AKAP9: variants seen among roughly 807,000 people sequenced by gnomAD.
AKAP9 encodes A-kinase anchor protein 9.
In AKAP9, 311 loss-of-function variants were observed where a neutral mutation model predicts 488.5. The ratio of observed to expected loss-of-function variants is 0.64; its 90% CI spans 0.58 to 0.70. AKAP9 has a LOEUF of 0.70. AKAP9 is among the 30% of genes least tolerant of loss of function. The pLI, the probability that AKAP9 is intolerant of heterozygous loss-of-function variation, is 0.00. For synonymous variants in AKAP9, 1,462 were observed against 1,483.5 expected (o/e 0.99, Z 0.33); for missense variants, 4,215 against 4,374.5 (o/e 0.96, Z 1.03).
At chr7:92,025,462 T>G (rs1331353983) in intron 14 of AKAP9, among the ~76,000 whole-genome samples, 1 of 152,244 alleles carries the variant, frequency 6.6e-6, no homozygotes, top group Non-Finnish European at 1.5e-5. Context: ...GTCAAAATTA[T>G]TTTGTGTAAA....
intron 1 of AKAP9, among the ~76,000 whole-genome samples, chr7:91,971,917 C>G (rs1795126701): frequency 6.8e-6 from 1 of 148,018 alleles, no homozygotes; most frequent in Admixed American, 6.7e-5. Context: ...CTAGTCTTCT[C>G]TGTCTGGCTT....
chr7:92,001,446 A>G lies in AKAP9; in HGVS notation c.1529A>G (p.Glu510Gly), dbSNP rs1285507384. The G allele has an allele frequency of 5.6e-6, 9 of 1,613,774 alleles. No individual in the cohort carries two copies. The highest frequency in any genetic ancestry group is 7.6e-6 in the Non-Finnish European group (9 of 1,179,860). ...IKLQDTNSQK[E>G]KLKEELGLIL... Reference sequence around the variant, plus strand: ...TTGCAAGATACTAACTCTCAAAAGGAAAAACTCAAGGAAGAACTAGGACTA... The same window carrying G: ...TTGCAAGATACTAACTCTCAAAAGGGAAAACTCAAGGAAGAACTAGGACTA... Residue 510 changes from glutamate to glycine, a missense_variant, in exon 8 of 50, where the codon GAA (glutamate) becomes GGA (glycine). Glu to Gly is a moderately conservative substitution (Grantham distance 98, BLOSUM62 -2). This residue lies in a region of AKAP9 where 2,361 missense variants were observed against 2,430.0 expected (regional missense o/e 0.97). Coordinates refer to ENST00000356239, the MANE Select transcript of AKAP9 (RefSeq NM_005751.5).
In AKAP9 at chr7:92,002,204, G is replaced by T. The variant is rs1799259132; in HGVS notation, c.2287G>T (p.Glu763Ter). 1 of 1,591,228 alleles carries T rather than the reference G, an allele frequency of 6.3e-7. No homozygotes were observed. Among genetic ancestry groups the T allele is most frequent in the South Asian group, 1.2e-5 (1 of 84,904 alleles). Residue 763 changes from glutamate (E) to a stop codon, truncating the protein, a stop_gained, in exon 8 of 50, where the codon GAG (glutamate) becomes TAG (stop). Coordinates refer to ENST00000356239, the MANE Select transcript of AKAP9 (RefSeq NM_005751.5). LOFTEE classifies it high-confidence loss of function. ...GTTAGAAAAACAGATGAAGGAAAAA[G>T]AGAATGATCTTCAAGAAAAATTTGC... Reference protein sequence around the residue: ...ELLEKQMKEKENDLQEKFAQL... With the variant: ...ELLEKQMKEK
intron 38 of AKAP9, chr7:92,092,812 A>G (rs1362412906): frequency 3.0e-6 from 1 of 332,992 alleles, no homozygotes; most frequent in Non-Finnish European, 5.8e-6. Flanking sequence ...ACGCCCAGCT[A>G]ATTTTTGTAT....
At chr7:92,063,375 A>T in intron 24 of AKAP9, 1 of 678,838 alleles carries the variant, frequency 1.5e-6, no homozygotes. Context: ...GTGTGTGTGC[A>T]TGTGCATTAT....
chr7:92,005,692 GTCTC>G (rs1799741585), intron 8 of AKAP9, among the ~76,000 whole-genome samples: 1 of 152,044 alleles, frequency 6.6e-6, no homozygotes, highest in Admixed American at 6.5e-5. Flanking sequence ...TTGAGACCGA[GTCTC>G]ACTCTGTCAC....
intron 28 of AKAP9, among the ~76,000 whole-genome samples, chr7:92,072,818 G>A (rs1412092159): frequency 1.3e-5 from 2 of 152,162 alleles, no homozygotes; most frequent in African/African-American, 2.4e-5. Flanking sequence ...TATCTAATTA[G>A]ACAGTACTAA....
At chr7:92,064,716 G>A (rs530344545) in intron 24 of AKAP9, among the ~76,000 whole-genome samples, 4 of 152,106 alleles carry the variant, frequency 2.6e-5, no homozygotes, top group Non-Finnish European at 4.4e-5. Flanking sequence ...AAGACTAACA[G>A]GAAATTTCAA....
intron 12 of AKAP9, among the ~76,000 whole-genome samples, chr7:92,021,303 T>G (rs954397907): frequency 1.3e-5 from 2 of 152,264 alleles, no homozygotes; most frequent in African/African-American, 4.8e-5. Flanking sequence ...GGCAGATATA[T>G]TGTTATTTTT....
At position 92,003,160 on chromosome 7, in the gene AKAP9, A is replaced by G; in HGVS notation, c.3243A>G (p.Glu1081=). The change falls in exon 8 of 50, where the codon GAA becomes GAG. Residue 1081 remains glutamate (E), a synonymous_variant. Coordinates refer to ENST00000356239, the MANE Select transcript of AKAP9 (RefSeq NM_005751.5). ...ATCACTTACCATCTGTAACAAAGGAATCATCACTTAGAGCAACTCAACCAA... is the reference window on the plus strand; with the variant it reads ...ATCACTTACCATCTGTAACAAAGGAGTCATCACTTAGAGCAACTCAACCAA... ...ILDHLPSVTK[E]SSLRATQPSE... The G allele has an allele frequency of 6.2e-7, 1 of 1,611,350 alleles. No homozygotes were observed. Among genetic ancestry groups the G allele is most frequent in the Non-Finnish European group, 8.5e-7 (1 of 1,178,792 alleles).
Position 92,095,135 on chromosome 7 carries a change from T to C in AKAP9, c.9691T>C (p.Leu3231=). 2 of 1,614,050 alleles carry C rather than the reference T, an allele frequency of 1.2e-6. No homozygotes were observed. The highest frequency in any genetic ancestry group is 2.2e-5 in the East Asian group (1 of 44,858). Residue 3231 remains leucine (L), a synonymous_variant, in exon 40 of 50, where the codon TTG becomes CTG. Coordinates refer to ENST00000356239, the MANE Select transcript of AKAP9 (RefSeq NM_005751.5). ...GGCTTTGGAGAAAGAGAAAGCCAAGTTGGGACGCAGTGAAGAACGGGATAA... is the reference window on the plus strand; with the variant it reads ...GGCTTTGGAGAAAGAGAAAGCCAAGCTGGGACGCAGTGAAGAACGGGATAA... ...QWALEKEKAK[L]GRSEERDKEE...
intron 26 of AKAP9, among the ~76,000 whole-genome samples, chr7:92,066,820 T>A (rs1810848123): frequency 1.3e-5 from 2 of 152,194 alleles, no homozygotes; most frequent in African/African-American, 4.8e-5. Context: ...ACAAAAGTGA[T>A]CAAGAGAGTT....
chr7:92,062,487 G>GTT lies in AKAP9; in HGVS notation c.5977+2_5977+3insTT. On this transcript the variant is annotated splice_donor_variant, in intron 24 of 49. Transcript: ENST00000356239. LOFTEE classifies it high-confidence loss of function. ...GCAGAGGCAGGCCCAGTTGAACAAC[G>GTT]TAAGTATTTTCAGAATTTGTATGAA... The GTT allele has an allele frequency of 6.2e-7, 1 of 1,611,844 alleles. No individual in the cohort carries two copies. The highest frequency in any genetic ancestry group is 8.5e-7 in the Non-Finnish European group (1 of 1,178,380).
At chr7:91,946,670 A>G (rs1348218871) in intron 1 of AKAP9, among the ~76,000 whole-genome samples, 1 of 152,198 alleles carries the variant, frequency 6.6e-6, no homozygotes, top group Non-Finnish European at 1.5e-5. Flanking sequence ...CACTGCACCC[A>G]GCTTAGGCTT....
At chr7:92,066,894 C>T (rs77036790) in intron 26 of AKAP9, among the ~76,000 whole-genome samples, 3,944 of 152,290 alleles carry the variant, frequency 0.026, 69 homozygotes, top group Middle Eastern at 0.051. Flanking sequence ...AGTGAAGTAT[C>T]CAGCCCTTGT....
At chr7:92,007,281 CTTTTTTTTTTTT>C (rs35623219) in intron 8 of AKAP9, among the ~76,000 whole-genome samples, 1 of 84,114 alleles carries the variant, frequency 1.2e-5, no homozygotes, top group Non-Finnish European at 2.2e-5. Flanking sequence ...AACTGAAATT[CTTTTTTTTTTTT>C]TTTTTTTTTT....
rs1412280509 is a variant in AKAP9 at position 92,016,992 on chromosome 7, T to C, written c.3752-25T>C. ...AGACTTTTACTGTGAAGTGAAATTATTGTAATTGTTTGTTTACCATCCAGA... is the reference window on the plus strand; with the variant it reads ...AGACTTTTACTGTGAAGTGAAATTACTGTAATTGTTTGTTTACCATCCAGA... On this transcript the variant is annotated intron_variant, in intron 11 of 49. Coordinates refer to ENST00000356239, the MANE Select transcript of AKAP9 (RefSeq NM_005751.5). The C allele has an allele frequency of 3.4e-6, 5 of 1,453,522 alleles. No homozygotes were observed. In the South Asian group the frequency reaches 3.6e-5, roughly 10 times the overall value. The allele number at this position is 1,453,522 out of a possible 1,614,324, so 90.0% of individuals were successfully genotyped here.
At chr7:92,101,338 C>T (rs1384448610) in intron 45 of AKAP9, among the ~76,000 whole-genome samples, 1 of 151,652 alleles carries the variant, frequency 6.6e-6, no homozygotes, top group African/African-American at 2.4e-5. Context: ...GCTACTGTCC[C>T]AGGCAGGAGA....
In AKAP9 at chr7:92,089,150, G is replaced by A. The variant is rs117751185; in HGVS notation, c.9214-235G>A. On this transcript the variant is annotated intron_variant, in intron 37 of 49. Transcript: ENST00000356239. ...AATGTTAATTCCACTTTTGCTAATT[G>A]TAGTTATGTAAAAGAATGTTCTTGT... Among the ~76,000 whole-genome samples the A allele has an allele frequency of 1.1e-4, 17 of 152,126 alleles. No homozygotes were observed. In the East Asian group the frequency reaches 3.1e-3, roughly 28 times the overall value.
Sources: allele counts gnomAD v4.1 joint callset (sites outside exome capture counted in the v4.1 genomes callset), GRCh38; gene constraint gnomAD v4.1.1; regional missense constraint gnomAD v4.1.1; transcripts MANE v1.5; gene names NCBI Gene and HGNC (gene_info 2026-07-23, HGNC 2026-07-21).